RARB: variants seen among roughly 807,000 people sequenced by gnomAD.
RARB encodes the protein retinoic acid receptor beta.
A neutral mutation model predicts 51.9 loss-of-function variants in RARB; 17 were observed. The observed-to-expected ratio is 0.33, with a 90% CI of 0.22 to 0.49. The LOEUF (loss-of-function observed/expected upper bound fraction) is 0.49. Ranked by LOEUF, RARB falls within the 20% of genes least tolerant of loss-of-function variation. The pLI is 0.99. For synonymous variants in RARB, 215 were observed against 195.4 expected (o/e 1.10, Z -0.84); for missense variants, 369 against 550.8 (o/e 0.67, Z 3.30).
chr3:25,303,622 A>G (rs1469267382), intron 5 of RARB, among the ~76,000 whole-genome samples: 1 of 152,178 alleles, frequency 6.6e-6, no homozygotes, highest in Non-Finnish European at 1.5e-5. Flanking sequence ...TTGAGTAAAA[A>G]TGAATTCTTT....
At chr3:25,444,999 G>T (rs979653370) in intron 1 of RARB, among the ~76,000 whole-genome samples, 1 of 151,942 alleles carries the variant, frequency 6.6e-6, no homozygotes, top group South Asian at 2.1e-4. Context: ...GCCCAGGCTG[G>T]AGTGTGGTGG....
chr3:24,969,494 T>C (rs1418816641), intron 2 of RARB, among the ~76,000 whole-genome samples: 5 of 152,154 alleles, frequency 3.3e-5, no homozygotes, highest in Non-Finnish European at 7.4e-5. Context: ...TGTTTTTCTA[T>C]AACTTGTCCA....
At chr3:25,286,952 C>G (rs546586256) in intron 5 of RARB, among the ~76,000 whole-genome samples, 1 of 152,146 alleles carries the variant, frequency 6.6e-6, no homozygotes, top group Non-Finnish European at 1.5e-5. Context: ...GAAAAACTCC[C>G]GATCACTCAT....
chr3:25,084,704 A>G (rs1699073889), intron 3 of RARB, among the ~76,000 whole-genome samples: 1 of 151,452 alleles, frequency 6.6e-6, no homozygotes, highest in African/African-American at 2.4e-5. Context: ...TCTTACTGCT[A>G]TTGCATTTTT....
intron 3 of RARB, among the ~76,000 whole-genome samples, chr3:25,078,296 T>G (rs543252885): frequency 2.6e-5 from 4 of 152,292 alleles, no homozygotes; most frequent in Admixed American, 2.6e-4. Flanking sequence ...CTAACTTTTG[T>G]GTGGTATAAA....
At chr3:25,272,484 C>T (rs973695635) in intron 5 of RARB, among the ~76,000 whole-genome samples, 1 of 152,186 alleles carries the variant, frequency 6.6e-6, no homozygotes, top group African/African-American at 2.4e-5. Flanking sequence ...GATGCCCTGC[C>T]TTTGAAAGCT....
chr3:24,968,227 T>G (rs1039051866), intron 2 of RARB, among the ~76,000 whole-genome samples: 33 of 152,274 alleles, frequency 2.2e-4, no homozygotes, highest in African/African-American at 7.9e-4. Context: ...TCTGCCACAT[T>G]GTCCAAAGTG....
intron 5 of RARB, among the ~76,000 whole-genome samples, chr3:25,238,651 T>C (rs1351735381): frequency 6.6e-6 from 1 of 152,198 alleles, no homozygotes; most frequent in East Asian, 1.9e-4. Flanking sequence ...CTCTTTTCCC[T>C]GCATCCTTGT....
intron 3 of RARB, among the ~76,000 whole-genome samples, chr3:25,555,335 T>A (rs751968057): frequency 2.0e-5 from 3 of 152,206 alleles, no homozygotes; most frequent in Non-Finnish European, 4.4e-5. Context: ...CAATGTCCCC[T>A]GTCGATCTTT....
At chr3:25,501,418 C>A in intron 3 of RARB, 95 bp downstream of exon 3, 1 of 1,460,806 alleles carries the variant, frequency 6.8e-7, no homozygotes, top group Non-Finnish European at 9.2e-7. Context: ...ACGACACTAA[C>A]GAAATCTTGC....
chr3:25,559,594 A>G (rs1047208821), intron 3 of RARB, among the ~76,000 whole-genome samples: 4 of 152,232 alleles, frequency 2.6e-5, no homozygotes, highest in Non-Finnish European at 5.9e-5. Flanking sequence ...ATAATGGCAA[A>G]CAAAGTGTAA....
Position 25,349,119 on chromosome 3 carries a change from T to C in RARB, c.179-112074T>C, listed in dbSNP as rs1435259034. ...ATCCACTCCACACTATCCGTTACCC[T>C]TCCCCCAATGAAGGCGGAAAGGGCT... On this transcript the variant is annotated intron_variant, in intron 5 of 11. Coordinates refer to the RARB transcript ENST00000383772. Among the ~76,000 whole-genome samples, 3 of 152,184 alleles carry C rather than the reference T, an allele frequency of 2.0e-5. No homozygotes were observed. The East Asian group carries it at 5.8e-4, about 29-fold the overall frequency.
intron 5 of RARB, among the ~76,000 whole-genome samples, chr3:25,262,735 C>T (rs1457817816): frequency 6.6e-6 from 1 of 152,170 alleles, no homozygotes. Flanking sequence ...ATCTTAAGGT[C>T]AGCCGGTTAG....
At chr3:25,581,344 C>CA (rs1177265376) in intron 5 of RARB, among the ~76,000 whole-genome samples, 3 of 152,192 alleles carry the variant, frequency 2.0e-5, no homozygotes, top group Non-Finnish European at 4.4e-5. Flanking sequence ...GCCAGTCCCC[C>CA]ATCCCACTTT....
At chr3:25,262,471 G>A (rs1273133829) in intron 5 of RARB, among the ~76,000 whole-genome samples, 2 of 152,148 alleles carry the variant, frequency 1.3e-5, no homozygotes, top group Admixed American at 1.3e-4. Flanking sequence ...TTGGGCTAAC[G>A]TCAAAGCATC....
At chr3:25,361,416 G>A (rs934231924) in intron 5 of RARB, among the ~76,000 whole-genome samples, 6 of 152,124 alleles carry the variant, frequency 3.9e-5, no homozygotes, top group African/African-American at 1.4e-4. Flanking sequence ...CCTTGCATTG[G>A]ATTAGAACAT....
intron 3 of RARB, among the ~76,000 whole-genome samples, chr3:25,068,451 A>T (rs1197068025): frequency 6.6e-6 from 1 of 152,204 alleles, no homozygotes. Context: ...AAGGAAACTA[A>T]GAAAACAAAA....
chr3:25,341,166 C>T (rs896605275), intron 5 of RARB, among the ~76,000 whole-genome samples: 4 of 152,154 alleles, frequency 2.6e-5, no homozygotes, highest in Admixed American at 1.3e-4. Flanking sequence ...CAAAAGTCTT[C>T]TGTTACTCAT....
At chr3:24,851,192 T>C (rs1702550501) in intron 1 of RARB, among the ~76,000 whole-genome samples, 1 of 152,046 alleles carries the variant, frequency 6.6e-6, no homozygotes, top group African/African-American at 2.4e-5. Context: ...CCCAGCACTT[T>C]GAGAGGGGGA....
Sources: allele counts gnomAD v4.1 joint callset (sites outside exome capture counted in the v4.1 genomes callset), GRCh38; gene constraint gnomAD v4.1.1; transcripts MANE v1.5; gene names NCBI Gene and HGNC (gene_info 2026-07-23, HGNC 2026-07-21).